PRELID2: variants seen among roughly 807,000 people sequenced by gnomAD.
PRELID2 encodes the protein PRELI domain containing 2.
PRELID2 carries 25 observed loss-of-function variants against 28.4 expected under a neutral mutation model. The ratio of observed to expected loss-of-function variants is 0.88; its 90% confidence interval spans 0.64 to 1.23. The LOEUF (loss-of-function observed/expected upper bound fraction) is 1.23, where lower values mean the gene tolerates loss of function less well. Among genes scored for constraint, PRELID2 ranks in the 50% most tolerant of loss-of-function variants. The pLI is 0.00. For missense variants in PRELID2, 201 were observed against 214.4 expected (o/e 0.94, Z 0.39); for synonymous variants, 76 against 71.6 (o/e 1.06, Z -0.31).
At chr5:145,229,545 C>T in the PRELID2 span, 3 of 1,474,038 alleles carry the variant, frequency 2.0e-6, no homozygotes, top group Non-Finnish European at 2.8e-6. Flanking sequence ...GATGGCACCA[C>T]CCACCAGACC....
chr5:145,584,979 T>C (rs921324184), intron 1 of PRELID2, among the ~76,000 whole-genome samples: 1 of 152,148 alleles, frequency 6.6e-6, no homozygotes, highest in African/African-American at 2.4e-5. Flanking sequence ...TAAAGATACA[T>C]GCATGTGTAT....
In PRELID2 at chr5:145,696,120, T is replaced by C. The variant is rs190158766; in HGVS notation, n.70+68811A>G. The stretch of plus-strand genomic sequence containing the variant: ...TGAAAATCATGTATATATGGCTTAG[T>C]ATAGTTTCTGGCACATAGTGAGCAA... On this transcript the variant is annotated intron_variant and non_coding_transcript_variant, in intron 1 of 2. Transcript: ENST00000510259. 3.0e-4 allele frequency among the ~76,000 whole-genome samples: 46 copies of C among 151,750 alleles called. No homozygotes were observed. In the East Asian group the frequency reaches 8.3e-3, roughly 27 times the overall value.
the PRELID2 span, among the ~76,000 whole-genome samples, chr5:145,297,307 A>G: frequency 6.6e-6 from 1 of 152,088 alleles, no homozygotes; most frequent in Non-Finnish European, 1.5e-5. Flanking sequence ...GTTTTCTTCT[A>G]GGGTTTTTAT....
chr5:145,561,401 A>C (rs1397122202), intron 1 of PRELID2, among the ~76,000 whole-genome samples: 1 of 152,014 alleles, frequency 6.6e-6, no homozygotes, highest in East Asian at 1.9e-4. Context: ...TCCCCTAAGC[A>C]CGGCTCCCAG....
chr5:145,781,280 CA>C (rs1337572518), intron 5 of PRELID2, among the ~76,000 whole-genome samples: 3 of 152,164 alleles, frequency 2.0e-5, no homozygotes, highest in Non-Finnish European at 4.4e-5. Flanking sequence ...GGCTGAAGGA[CA>C]CAGCTGTTGC....
the PRELID2 span, among the ~76,000 whole-genome samples, chr5:145,236,722 G>C: frequency 6.6e-6 from 1 of 151,900 alleles, no homozygotes; most frequent in East Asian, 1.9e-4. Flanking sequence ...AGATTTACTG[G>C]GCACTGACCA....
intron 1 of PRELID2, among the ~76,000 whole-genome samples, chr5:145,511,653 T>A (rs1752462400): frequency 6.6e-6 from 1 of 152,228 alleles, no homozygotes; most frequent in Non-Finnish European, 1.5e-5. Flanking sequence ...ACAGAATGAC[T>A]GTTTCAACTC....
intron 1 of PRELID2, among the ~76,000 whole-genome samples, chr5:145,484,849 A>G (rs1310644787): frequency 6.6e-6 from 1 of 152,212 alleles, no homozygotes; most frequent in Non-Finnish European, 1.5e-5. Context: ...AATATTAATG[A>G]GCATCTTTAT....
chr5:145,612,412 T>C, intron 1 of PRELID2, among the ~76,000 whole-genome samples: 1 of 152,196 alleles, frequency 6.6e-6, no homozygotes, highest in East Asian at 1.9e-4. Flanking sequence ...CATAGCATAT[T>C]ATAAAATCCT....
intron 1 of PRELID2, among the ~76,000 whole-genome samples, chr5:145,750,321 C>T (rs563713524): frequency 7.3e-5 from 11 of 151,714 alleles, no homozygotes; most frequent in African/African-American, 2.7e-4. Flanking sequence ...ATAAAGTAGG[C>T]ACTATTGTTA....
chr5:145,259,525 T>G, the PRELID2 span, among the ~76,000 whole-genome samples: 1 of 152,242 alleles, frequency 6.6e-6, no homozygotes, highest in Non-Finnish European at 1.5e-5. Context: ...TTTGGCGCTT[T>G]AAGATTTAAT....
chr5:145,709,390 G>A (rs1282636081), intron 1 of PRELID2, among the ~76,000 whole-genome samples: 2 of 152,122 alleles, frequency 1.3e-5, no homozygotes, highest in South Asian at 2.1e-4. Flanking sequence ...TGGAGTTTCT[G>A]ACTTTGGTGA....
chr5:145,241,473 G>A, the PRELID2 span, among the ~76,000 whole-genome samples: 4 of 151,958 alleles, frequency 2.6e-5, no homozygotes, highest in South Asian at 2.1e-4. Flanking sequence ...TACATGTTTC[G>A]TTGCTCTTGT....
chr5:145,445,187 A>G, the PRELID2 span, among the ~76,000 whole-genome samples: 3 of 152,116 alleles, frequency 2.0e-5, no homozygotes, highest in East Asian at 5.8e-4. Context: ...ACAGACACAT[A>G]GACTAATGGA....
intron 1 of PRELID2, among the ~76,000 whole-genome samples, chr5:145,597,899 A>G (rs1009482975): frequency 6.6e-6 from 1 of 152,194 alleles, no homozygotes; most frequent in African/African-American, 2.4e-5. Flanking sequence ...GTGTCTATAC[A>G]TGGAGATTTA....
At chr5:145,476,600 G>A (rs1256859788) in intron 1 of PRELID2, among the ~76,000 whole-genome samples, 1 of 151,990 alleles carries the variant, frequency 6.6e-6, no homozygotes, top group African/African-American at 2.4e-5. Flanking sequence ...AGCCGAGATT[G>A]CGCCACTGCA....
intron 1 of PRELID2, among the ~76,000 whole-genome samples, chr5:145,482,591 AT>A (rs1752171967): frequency 6.6e-6 from 1 of 151,952 alleles, no homozygotes; most frequent in Non-Finnish European, 1.5e-5. Flanking sequence ...CTGGATCACA[AT>A]TTTTCCACGA....
Position 145,631,177 on chromosome 5 carries a change from T to C in PRELID2, n.70+133754A>G, listed in dbSNP as rs144397298. 2.3e-4 allele frequency among the ~76,000 whole-genome samples: 35 copies of C among 152,292 alleles called. No individual in the cohort carries two copies. In the East Asian group the frequency reaches 6.6e-3, roughly 29 times the overall value. On this transcript the variant is annotated intron_variant and non_coding_transcript_variant, in intron 1 of 2. Transcript: ENST00000510259. ...TTTATAGAACTTCTCGAGAAAATGT[T>C]GAGTCCACTGATCCCCCAACCACAC...
intron 1 of PRELID2, among the ~76,000 whole-genome samples, chr5:145,567,670 G>C (rs1410308902): frequency 1.3e-5 from 2 of 152,112 alleles, no homozygotes; most frequent in Non-Finnish European, 2.9e-5. Context: ...GAGCCACCAA[G>C]CCCAGCTGAT....
Sources: allele counts gnomAD v4.1 joint callset (sites outside exome capture counted in the v4.1 genomes callset), GRCh38; gene constraint gnomAD v4.1.1; transcripts MANE v1.5; gene names NCBI Gene and HGNC (gene_info 2026-07-23, HGNC 2026-07-21).